The following VIPR2 variants were observed in gnomAD, a reference collection of about 807,000 sequenced individuals.
The protein encoded by VIPR2 is vasoactive intestinal peptide receptor 2.
A neutral mutation model predicts 58.0 loss-of-function variants in VIPR2; 48 were observed. The ratio of observed to expected loss-of-function variants is 0.83; its 90% CI spans 0.66 to 1.05. VIPR2 has a LOEUF of 1.05. Ranked by LOEUF, VIPR2 falls within the 50% of genes least tolerant of loss-of-function variation. The pLI is 0.00. For missense variants in VIPR2, 534 were observed against 558.0 expected (o/e 0.96, Z 0.43); for synonymous variants, 243 against 235.2 (o/e 1.03, Z -0.30).
At position 159,117,728 on chromosome 7, in the gene VIPR2, C is replaced by T. The variant is rs548552952; in HGVS notation, c.152-7809G>A. On this transcript the variant is annotated intron_variant, in intron 2 of 12. Coordinates refer to ENST00000262178, the MANE Select transcript of VIPR2 (RefSeq NM_003382.5). ...CTGAGGGTGGGTGGCCCAGGAGGCC[C>T]GAGTCATGGGAAGCCACCCTGCTGC... 2.6e-5 allele frequency among the ~76,000 whole-genome samples: 4 copies of T among 152,264 alleles called. No individual in the cohort carries two copies. In the East Asian group the frequency reaches 7.7e-4, roughly 29 times the overall value.
chr7:159,130,974 G>C (rs996975445), intron 2 of VIPR2, among the ~76,000 whole-genome samples: 1 of 152,186 alleles, frequency 6.6e-6, no homozygotes. Context: ...GCGTGCTCTG[G>C]ACATGGCATC....
chr7:159,082,966 A>T (rs1335227847), intron 4 of VIPR2, among the ~76,000 whole-genome samples: 1 of 152,220 alleles, frequency 6.6e-6, no homozygotes, highest in Non-Finnish European at 1.5e-5. Flanking sequence ...CATCATCCTC[A>T]TGTAATTACA....
chr7:159,062,199 G>A (rs1007738102), intron 4 of VIPR2, among the ~76,000 whole-genome samples: 3 of 152,180 alleles, frequency 2.0e-5, no homozygotes, highest in African/African-American at 4.8e-5. Context: ...AGGACACCCC[G>A]AAGGGTTCAG....
chr7:159,084,237 A>G (rs373176957), intron 4 of VIPR2, among the ~76,000 whole-genome samples: 2 of 152,262 alleles, frequency 1.3e-5, no homozygotes, highest in South Asian at 4.1e-4. Context: ...TTCTGCAGGC[A>G]GGCAGTGGAC....
intron 7 of VIPR2, 22 bp from the exon 8 acceptor site, chr7:159,036,034 C>T (rs528454086): frequency 6.2e-7 from 1 of 1,611,070 alleles, no homozygotes; most frequent in African/African-American, 1.3e-5. Flanking sequence ...CGCCTGGTTA[C>T]ACAGGTGGAG....
chr7:159,058,783 T>C lies in VIPR2; in HGVS notation c.358-205A>G, dbSNP rs374051132. On this transcript the variant is annotated intron_variant, in intron 4 of 12. Coordinates refer to ENST00000262178, the MANE Select transcript of VIPR2 (RefSeq NM_003382.5). ...ATTTGGAACCTCCACTTTTTTCTTA[T>C]AATTCATCATGAATGACTTTGGATG... 5.6e-3 allele frequency among the ~76,000 whole-genome samples: 851 copies of C among 152,372 alleles called. 2 individuals are homozygous for C. The highest frequency in any genetic ancestry group is 7.4e-3 in the Non-Finnish European group (503 of 68,036).
intron 2 of VIPR2, among the ~76,000 whole-genome samples, chr7:159,125,886 GC>G: frequency 6.6e-6 from 1 of 152,294 alleles, no homozygotes; most frequent in South Asian, 2.1e-4. Context: ...TTTCCTCGAA[GC>G]CACTGCCAGC....
chr7:159,032,131 G>A, intron 10 of VIPR2, 64 bp from the exon 11 acceptor site: 3 of 1,597,378 alleles, frequency 1.9e-6, no homozygotes, highest in Non-Finnish European at 2.6e-6. Context: ...AGCCTGGCTG[G>A]GTCCTTCTCA....
chr7:159,105,175 G>A (rs965693412), intron 3 of VIPR2, among the ~76,000 whole-genome samples: 7 of 152,180 alleles, frequency 4.6e-5, no homozygotes, highest in African/African-American at 9.6e-5. Flanking sequence ...TGTCCGAGCC[G>A]TAAGAATAAA....
intron 5 of VIPR2, among the ~76,000 whole-genome samples, chr7:159,054,235 C>T (rs1325801908): frequency 3.3e-5 from 5 of 152,058 alleles, no homozygotes; most frequent in Non-Finnish European, 4.4e-5. Flanking sequence ...TGGACAGAAA[C>T]ATGAAAAGTT....
chr7:159,110,638 T>A (rs1358816546), intron 2 of VIPR2, among the ~76,000 whole-genome samples: 1 of 152,150 alleles, frequency 6.6e-6, no homozygotes, highest in African/African-American at 2.4e-5. Context: ...ACCTCTAAAA[T>A]TTTACCTTTT....
At chr7:159,140,801 G>T (rs1006758552) in intron 2 of VIPR2, among the ~76,000 whole-genome samples, 1 of 152,218 alleles carries the variant, frequency 6.6e-6, no homozygotes, top group African/African-American at 2.4e-5. Context: ...CTGAGGGGGA[G>T]CCCCTGTGAA....
At chr7:159,114,562 TG>T (rs1417418661) in intron 2 of VIPR2, among the ~76,000 whole-genome samples, 1 of 152,100 alleles carries the variant, frequency 6.6e-6, no homozygotes, top group Admixed American at 6.5e-5. Context: ...TAAAATTCAG[TG>T]GCCATTTCTA....
chr7:159,038,953 G>A (rs1854145972), intron 6 of VIPR2, among the ~76,000 whole-genome samples: 1 of 152,160 alleles, frequency 6.6e-6, no homozygotes, highest in South Asian at 2.1e-4. Flanking sequence ...GTTTTAGAGG[G>A]CCGGAACAGC....
At chr7:159,083,301 CT>C (rs1857007646) in intron 4 of VIPR2, among the ~76,000 whole-genome samples, 1 of 152,220 alleles carries the variant, frequency 6.6e-6, no homozygotes, top group Non-Finnish European at 1.5e-5. Flanking sequence ...CATCCGGAAC[CT>C]TATGGCCATG....
intron 2 of VIPR2, among the ~76,000 whole-genome samples, chr7:159,114,333 C>A (rs143677009): frequency 1.3e-5 from 2 of 151,490 alleles, no homozygotes; most frequent in Non-Finnish European, 2.9e-5. Context: ...CACTTGGAGA[C>A]GCCTGTCTGT....
chr7:159,133,692 C>T (rs1338294904), intron 2 of VIPR2, among the ~76,000 whole-genome samples: 3 of 152,126 alleles, frequency 2.0e-5, no homozygotes, highest in Admixed American at 6.5e-5. Flanking sequence ...TTATTTATAT[C>T]TCATATTACC....
intron 4 of VIPR2, among the ~76,000 whole-genome samples, chr7:159,058,792 A>G (rs1439936405): frequency 6.6e-6 from 1 of 152,244 alleles, no homozygotes; most frequent in Non-Finnish European, 1.5e-5. Context: ...ATAATTCATC[A>G]TGAATGACTT....
chr7:159,119,514 G>T (rs1796373097), intron 2 of VIPR2, among the ~76,000 whole-genome samples: 1 of 152,198 alleles, frequency 6.6e-6, no homozygotes, highest in Non-Finnish European at 1.5e-5. Flanking sequence ...ACGGGGGAGT[G>T]GAGGCAGCGG....
Sources: allele counts gnomAD v4.1 joint callset (sites outside exome capture counted in the v4.1 genomes callset), GRCh38; gene constraint gnomAD v4.1.1; transcripts MANE v1.5; gene names NCBI Gene and HGNC (gene_info 2026-07-23, HGNC 2026-07-21).